Variants in PMS1 observed in about 807,000 individuals in gnomAD.
The protein encoded by PMS1 is PMS1 protein homolog 1.
In PMS1, 79 loss-of-function variants were observed where a neutral mutation model predicts 93.1. The observed-to-expected ratio is 0.85, with a 90% confidence interval of 0.71 to 1.02. The LOEUF (loss-of-function observed/expected upper bound fraction) is 1.02, where lower values mean the gene tolerates loss of function less well. Among genes scored for constraint, PMS1 ranks in the 50% least tolerant of loss-of-function variants. PMS1 has a pLI of 0.00. For synonymous variants in PMS1, 335 were observed against 363.4 expected (o/e 0.92, Z 0.89); for missense variants, 1,064 against 1,085.3 (o/e 0.98, Z 0.28).
chr2:189,861,400 C>CTT lies in PMS1; in HGVS notation c.1857-2329_1857-2328dup, dbSNP rs11295204. On this transcript the variant is annotated intron_variant, in intron 9 of 12. Transcript: ENST00000441310. The stretch of plus-strand genomic sequence containing the variant: ...CTATTTCATCTTCATTTTTGAAGGA[C>CTT]TTTTTTTTTTTTTTTAATGATATAG... Among the ~76,000 whole-genome samples the CTT allele has an allele frequency of 2.6e-4, 36 of 137,028 alleles. No homozygotes were observed. The Middle Eastern group carries it at 0.012, about 45-fold the overall frequency. The allele number at this position is 137,028 out of a possible 152,430, so 89.9% of individuals were successfully genotyped here.
In PMS1 at chr2:189,861,297, T is replaced by A. The variant is rs556317054; in HGVS notation, c.1857-2446T>A. Among the ~76,000 whole-genome samples, 3 of 152,158 alleles carry A rather than the reference T, an allele frequency of 2.0e-5. No individual in the cohort carries two copies. In the South Asian group the frequency reaches 6.2e-4, roughly 32 times the overall value. ...TAATGTAAAAACCCTGTAAGTATAA[T>A]TTCACTTGTATTTGGTGTCACTTTC... On this transcript the variant is annotated intron_variant, in intron 9 of 12. Coordinates refer to ENST00000441310, the MANE Select transcript of PMS1 (RefSeq NM_000534.5).
At position 189,854,417 on chromosome 2, in the gene PMS1, A is replaced by C. The variant is rs1236835013; in HGVS notation, c.1145A>C (p.Asn382Thr). 1.2e-6 allele frequency: 2 copies of C among 1,606,942 alleles called. No individual in the cohort carries two copies. The highest frequency in any genetic ancestry group is 1.1e-5 in the South Asian group (1 of 90,338). ...GAATCATCTGGAAAGAATTATTCAA[A>C]TGTTGATACTTCAGTCATTCCATTC... Reference protein sequence around the residue: ...KVESSGKNYSNVDTSVIPFQN... With the variant: ...KVESSGKNYSTVDTSVIPFQN... Residue 382 changes from asparagine to threonine, a missense_variant, in exon 9 of 13, where the codon AAT (asparagine) becomes ACT (threonine). Transcript: ENST00000441310.
In PMS1 at chr2:189,864,229, G is replaced by T. The variant is rs2056337013; in HGVS notation, c.2342+1G>T. ...AAAAGCCAATTATGTTAACAGAGAGGTATGATGATACAATACTTTTTAAGA... is the reference window on the plus strand; with the variant it reads ...AAAAGCCAATTATGTTAACAGAGAGTTATGATGATACAATACTTTTTAAGA... On this transcript the variant is annotated splice_donor_variant, in intron 10 of 12. Coordinates refer to ENST00000441310, the MANE Select transcript of PMS1 (RefSeq NM_000534.5). LOFTEE classifies it high-confidence loss of function. 1 of 1,583,986 alleles carries T rather than the reference G, an allele frequency of 6.3e-7. No individual in the cohort carries two copies. The highest frequency in any genetic ancestry group is 2.2e-5 in the East Asian group (1 of 44,694).
At chr2:189,823,371 C>T (rs1220767875) in intron 5 of PMS1, among the ~76,000 whole-genome samples, 1 of 152,018 alleles carries the variant, frequency 6.6e-6, no homozygotes, top group African/African-American at 2.4e-5. Flanking sequence ...GTGCTGCACC[C>T]ATTAACTTGT....
intron 5 of PMS1, among the ~76,000 whole-genome samples, chr2:189,822,944 A>G (rs759689531): frequency 1.8e-4 from 28 of 152,308 alleles, no homozygotes; most frequent in Middle Eastern, 3.4e-3. Context: ...ACCTCCATAA[A>G]TAGTAGACTG....
chr2:189,808,572 C>G (rs2050545579), intron 4 of PMS1, among the ~76,000 whole-genome samples: 1 of 152,138 alleles, frequency 6.6e-6, no homozygotes, highest in Non-Finnish European at 1.5e-5. Context: ...CTCAAGAAAT[C>G]TGCCCTCCTC....
intron 9 of PMS1, chr2:189,855,804 T>C: frequency 1.7e-6 from 1 of 599,724 alleles, no homozygotes; most frequent in Middle Eastern, 3.4e-4. Context: ...CAAAATAATA[T>C]GATGAATGTT....
intron 4 of PMS1, among the ~76,000 whole-genome samples, chr2:189,810,171 T>C (rs997923992): frequency 6.6e-5 from 10 of 152,130 alleles, no homozygotes; most frequent in Non-Finnish European, 1.5e-4. Flanking sequence ...AGTTTGAAGA[T>C]GGTAGGAGTT....
chr2:189,817,912 G>A (rs1274075577), intron 4 of PMS1, 105 bp from the exon 5 acceptor site: 1 of 830,514 alleles, frequency 1.2e-6, no homozygotes, highest in Non-Finnish European at 2.0e-6. Flanking sequence ...ATTGGAGGAG[G>A]AGACCTTCAG....
chr2:189,868,609 A>C (rs1304745400), intron 11 of PMS1, among the ~76,000 whole-genome samples: 1 of 152,054 alleles, frequency 6.6e-6, no homozygotes, highest in African/African-American at 2.4e-5. Context: ...ATGAGGAAGG[A>C]CTCCACTGTC....
Position 189,860,166 on chromosome 2 carries a change from A to G in PMS1, c.1857-3577A>G, listed in dbSNP as rs976824902. ...TTTCATACATGTGTACACACACATA[A>G]ACATCACCCCAAACAAAATAGAGAA... On this transcript the variant is annotated intron_variant, in intron 9 of 12. Transcript: ENST00000441310. 5.3e-5 allele frequency among the ~76,000 whole-genome samples: 8 copies of G among 152,240 alleles called. No individual in the cohort carries two copies. In the South Asian group the frequency reaches 1.7e-3, roughly 32 times the overall value.
chr2:189,863,500 A>C (rs56402009), intron 9 of PMS1, among the ~76,000 whole-genome samples: 246 of 152,118 alleles, frequency 1.6e-3, no homozygotes, highest in African/African-American at 5.9e-3. Context: ...GTGATCTGCC[A>C]ACCTCAGCCT....
At chr2:189,858,853 T>A (rs1249479884) in intron 9 of PMS1, among the ~76,000 whole-genome samples, 1 of 152,146 alleles carries the variant, frequency 6.6e-6, no homozygotes, top group African/African-American at 2.4e-5. Flanking sequence ...GGTCTTTTTT[T>A]AACACTCTTA....
At chr2:189,801,050 A>G (rs1233322219) in intron 3 of PMS1, among the ~76,000 whole-genome samples, 1 of 152,084 alleles carries the variant, frequency 6.6e-6, no homozygotes, top group East Asian at 1.9e-4. Flanking sequence ...TTTTGTAGAG[A>G]TAGGGTCTCA....
intron 5 of PMS1, among the ~76,000 whole-genome samples, chr2:189,835,233 G>C (rs1459848422): frequency 1.3e-5 from 2 of 152,132 alleles, no homozygotes; most frequent in African/African-American, 4.8e-5. Flanking sequence ...TTAAATAAGT[G>C]TAAGAGATTT....
intron 5 of PMS1, among the ~76,000 whole-genome samples, chr2:189,820,146 A>G (rs2051695884): frequency 1.3e-5 from 2 of 152,202 alleles, no homozygotes. Context: ...AGCAACAACC[A>G]AGTGATGTAG....
In PMS1 at chr2:189,791,783, C is replaced by T. The variant is rs2048890489; in HGVS notation, c.-20-7C>T. On this transcript the variant is annotated splice_polypyrimidine_tract_variant and splice_region_variant and intron_variant, in intron 1 of 12. Transcript: ENST00000441310. ...CAATTCTTACAAGTTGCATTTTTAT[C>T]TTCTAGCTGCTCTGTTAAAAGCGAA... The T allele has an allele frequency of 6.2e-7, 1 of 1,611,154 alleles. No individual in the cohort carries two copies. Among genetic ancestry groups the T allele is most frequent in the Non-Finnish European group, 8.5e-7 (1 of 1,178,164 alleles).
chr2:189,853,032 G>A (rs2054916115), intron 7 of PMS1, among the ~76,000 whole-genome samples: 2 of 152,038 alleles, frequency 1.3e-5, no homozygotes, highest in East Asian at 3.8e-4. Context: ...GGAAATTAGA[G>A]AGTTAGTAGT....
At chr2:189,866,595 A>G (rs2056678702) in intron 10 of PMS1, among the ~76,000 whole-genome samples, 1 of 152,182 alleles carries the variant, frequency 6.6e-6, no homozygotes, top group African/African-American at 2.4e-5. Flanking sequence ...AAGTGGAATA[A>G]TTTAGGTACC....
Sources: allele counts gnomAD v4.1 joint callset (sites outside exome capture counted in the v4.1 genomes callset), GRCh38; gene constraint gnomAD v4.1.1; transcripts MANE v1.5; gene names NCBI Gene and HGNC (gene_info 2026-07-23, HGNC 2026-07-21).